Variants in HDAC9 observed in about 807,000 individuals in gnomAD.
HDAC9 encodes histone deacetylase 9, also known as MEF-2 interacting transcription repressor (MITR) protein.
HDAC9 carries 41 observed loss-of-function variants against 139.4 expected under a neutral mutation model. The observed-to-expected ratio is 0.29, with a 90% confidence interval of 0.23 to 0.38. The LOEUF (loss-of-function observed/expected upper bound fraction) is 0.38. Ranked by LOEUF, HDAC9 falls within the 10% of genes least tolerant of loss-of-function variation. HDAC9 has a pLI of 1.00. For missense variants in HDAC9, 1,147 were observed against 1,297.0 expected, an observed-to-expected ratio of 0.88 and a Z score of 1.78; for synonymous variants, 517 against 476.2, an observed-to-expected ratio of 1.09 and a Z score of -1.12.
intron 22 of HDAC9, among the ~76,000 whole-genome samples, chr7:18,918,608 T>G (rs909733996): frequency 6.6e-6 from 1 of 152,172 alleles, no homozygotes; most frequent in East Asian, 1.9e-4. Flanking sequence ...CTTTTCACAC[T>G]TATTGTCTGT....
chr7:18,115,240 C>T (rs1240896147), intron 1 of HDAC9, among the ~76,000 whole-genome samples: 1 of 150,016 alleles, frequency 6.7e-6, no homozygotes. Flanking sequence ...TTGCAGTGAG[C>T]AGAGATTGTG....
intron 13 of HDAC9, among the ~76,000 whole-genome samples, chr7:18,746,901 A>AGAG (rs1232818767): frequency 6.6e-6 from 1 of 152,210 alleles, no homozygotes; most frequent in Non-Finnish European, 1.5e-5. Context: ...GAGGATGCTA[A>AGAG]GAGAGTATAT....
At chr7:18,628,263 A>G (rs1040992019) in intron 6 of HDAC9, among the ~76,000 whole-genome samples, 1 of 152,116 alleles carries the variant, frequency 6.6e-6, no homozygotes, top group Non-Finnish European at 1.5e-5. Flanking sequence ...GCCTGGCTTC[A>G]TCTCCTTTTA....
chr7:18,087,727 A>G (rs1781885079), intron 1 of HDAC9, among the ~76,000 whole-genome samples: 1 of 152,224 alleles, frequency 6.6e-6, no homozygotes, highest in East Asian at 1.9e-4. Flanking sequence ...GTGGAAGGAG[A>G]GTGATGAATC....
chr7:18,971,358 C>T (rs762960905), intron 24 of HDAC9, among the ~76,000 whole-genome samples: 3 of 152,138 alleles, frequency 2.0e-5, no homozygotes, highest in African/African-American at 4.8e-5. Flanking sequence ...AGTTGCATAG[C>T]CATAGGAGAG....
chr7:18,574,722 C>T (rs181349007), intron 2 of HDAC9, among the ~76,000 whole-genome samples: 2 of 152,218 alleles, frequency 1.3e-5, no homozygotes, highest in Non-Finnish European at 2.9e-5. Context: ...AGGGGGCTGG[C>T]GTGTCAGTGC....
rs543810705 is a variant in HDAC9 at position 18,153,860 on chromosome 7, T to C, written c.-96-8369T>C. 8.5e-5 allele frequency among the ~76,000 whole-genome samples: 13 copies of C among 152,276 alleles called. No homozygotes were observed. In the East Asian group the frequency reaches 2.3e-3, roughly 27 times the overall value. On this transcript the variant is annotated intron_variant, in intron 1 of 12. Transcript: ENST00000417496. ...CATACTGGTTTCCTTCTACATTGTG[T>C]GGGTATTTTCTGTTATCACTTCTTC... is the stretch of plus-strand genomic sequence containing the variant.
At chr7:18,641,981 C>A (rs1056814098) in intron 8 of HDAC9, among the ~76,000 whole-genome samples, 16 of 152,076 alleles carry the variant, frequency 1.1e-4, no homozygotes, top group African/African-American at 3.6e-4. Context: ...GAAAATAATT[C>A]AAGGGAAATG....
intron 2 of HDAC9, among the ~76,000 whole-genome samples, chr7:18,270,152 G>T (rs570744542): frequency 2.2e-4 from 33 of 152,232 alleles, no homozygotes; most frequent in Non-Finnish European, 3.7e-4. Flanking sequence ...TGTAGTGGCA[G>T]AATGGTCCTT....
At chr7:18,973,243 A>G (rs1181281067) in intron 24 of HDAC9, among the ~76,000 whole-genome samples, 3 of 152,142 alleles carry the variant, frequency 2.0e-5, no homozygotes, top group Admixed American at 1.3e-4. Flanking sequence ...TCTTTCCTCT[A>G]GTCTTTATAA....
chr7:18,684,463 C>CACAA (rs60898555), intron 12 of HDAC9, among the ~76,000 whole-genome samples: 1,524 of 150,306 alleles, frequency 0.01, 10 homozygotes, highest in South Asian at 0.042. Flanking sequence ...TGCAACAACT[C>CACAA]ACAAACAAAC....
intron 17 of HDAC9, among the ~76,000 whole-genome samples, chr7:18,797,991 T>C (rs1477453407): frequency 2.6e-5 from 4 of 152,052 alleles, no homozygotes; most frequent in Admixed American, 6.5e-5. Context: ...TATATATGAA[T>C]GATTAATTCA....
At chr7:18,873,287 G>A (rs1192962695) in intron 21 of HDAC9, among the ~76,000 whole-genome samples, 3 of 151,982 alleles carry the variant, frequency 2.0e-5, no homozygotes, top group Non-Finnish European at 4.4e-5. Flanking sequence ...AGATTTATGT[G>A]GTTTACCAGT....
At chr7:18,732,289 T>C (rs1786127973) in intron 13 of HDAC9, among the ~76,000 whole-genome samples, 1 of 152,194 alleles carries the variant, frequency 6.6e-6, no homozygotes, top group Non-Finnish European at 1.5e-5. Context: ...AGTCACTCAT[T>C]ATTCTCCCAC....
intron 2 of HDAC9, among the ~76,000 whole-genome samples, chr7:18,279,219 C>T (rs1338601485): frequency 6.6e-6 from 1 of 152,126 alleles, no homozygotes; most frequent in East Asian, 1.9e-4. Flanking sequence ...AGTGTGCTTT[C>T]CGACTTTCAG....
intron 2 of HDAC9, chr7:18,578,288 C>T: frequency 1.9e-6 from 1 of 513,396 alleles, no homozygotes; most frequent in South Asian, 1.4e-5. Flanking sequence ...GGTGTTTTGG[C>T]CTGCTATTCG....
At chr7:18,681,855 G>A (rs1459807403) in intron 12 of HDAC9, among the ~76,000 whole-genome samples, 2 of 151,942 alleles carry the variant, frequency 1.3e-5, no homozygotes, top group African/African-American at 2.4e-5. Context: ...GTAACCCATA[G>A]GACCTATACT....
chr7:18,712,127 T>G (rs1784389830), intron 12 of HDAC9, among the ~76,000 whole-genome samples: 1 of 152,160 alleles, frequency 6.6e-6, no homozygotes, highest in East Asian at 1.9e-4. Context: ...CCAATTTAAA[T>G]AAATAGGGGT....
At chr7:18,361,557 T>C (rs1783779885) in intron 1 of HDAC9, among the ~76,000 whole-genome samples, 1 of 152,204 alleles carries the variant, frequency 6.6e-6, no homozygotes, top group Admixed American at 6.5e-5. Flanking sequence ...TAAATAATTA[T>C]ATTCACTTAT....
Sources: allele counts gnomAD v4.1 joint callset (sites outside exome capture counted in the v4.1 genomes callset), GRCh38; gene constraint gnomAD v4.1.1; transcripts MANE v1.5; gene names NCBI Gene and HGNC (gene_info 2026-07-23, HGNC 2026-07-21).